Variants in MYO5B observed in about 807,000 individuals in gnomAD.
MYO5B encodes the protein unconventional myosin-Vb.
In MYO5B, 143 loss-of-function variants were observed where a neutral mutation model predicts 229.3. The ratio of observed to expected loss-of-function variants is 0.62; its 90% CI spans 0.54 to 0.72. The LOEUF (loss-of-function observed/expected upper bound fraction) is 0.72, where lower values mean the gene tolerates loss of function less well. Among genes scored for constraint, MYO5B ranks in the 30% least tolerant of loss-of-function variants. The pLI, the probability that MYO5B is intolerant of heterozygous loss-of-function variation, is 0.00. For synonymous variants in MYO5B, 918 were observed against 885.2 expected, an observed-to-expected ratio of 1.04 and a Z score of -0.66; for missense variants, 2,321 against 2,331.0, an observed-to-expected ratio of 1.00 and a Z score of 0.09.
At chr18:50,041,925 A>G (rs949838521) in intron 2 of MYO5B, among the ~76,000 whole-genome samples, 1 of 152,236 alleles carries the variant, frequency 6.6e-6, no homozygotes, top group Admixed American at 6.5e-5. Context: ...TTAAAAAGAA[A>G]ACCAACACCC....
chr18:50,141,055 A>T (rs1181964887), intron 1 of MYO5B, among the ~76,000 whole-genome samples: 1 of 152,238 alleles, frequency 6.6e-6, no homozygotes, highest in South Asian at 2.1e-4. Flanking sequence ...TTACTGCCAC[A>T]TGGCTGACCT....
intron 4 of MYO5B, among the ~76,000 whole-genome samples, chr18:50,020,693 A>G (rs1261362031): frequency 6.6e-6 from 1 of 152,224 alleles, no homozygotes; most frequent in Non-Finnish European, 1.5e-5. Context: ...GGTGGAGGAG[A>G]CGGCCCTGAA....
At chr18:50,080,853 C>A (rs1344309527) in intron 1 of MYO5B, among the ~76,000 whole-genome samples, 1 of 152,150 alleles carries the variant, frequency 6.6e-6, no homozygotes, top group African/African-American at 2.4e-5. Context: ...GTTCATGCAG[C>A]AGGGAAGAAG....
chr18:49,942,567 C>T (rs1291694898), intron 14 of MYO5B, among the ~76,000 whole-genome samples: 1 of 152,026 alleles, frequency 6.6e-6, no homozygotes, highest in Non-Finnish European at 1.5e-5. Context: ...TATGAACAGA[C>T]ACTTCTCAAA....
chr18:49,969,534 T>C (rs2025664823), intron 10 of MYO5B, among the ~76,000 whole-genome samples: 1 of 152,214 alleles, frequency 6.6e-6, no homozygotes. Flanking sequence ...CACTGTGGCG[T>C]GTACTTTCAT....
At chr18:50,075,503 C>A (rs556701955) in intron 1 of MYO5B, among the ~76,000 whole-genome samples, 3 of 152,116 alleles carry the variant, frequency 2.0e-5, no homozygotes, top group African/African-American at 4.8e-5. Context: ...AACATGAATA[C>A]CCTCATTTCT....
intron 14 of MYO5B, among the ~76,000 whole-genome samples, chr18:49,942,553 A>AAT (rs1598900159): frequency 6.6e-6 from 1 of 152,180 alleles, no homozygotes; most frequent in Admixed American, 6.5e-5. Context: ...AAGTGGGCGC[A>AAT]GGATATGAAC....
chr18:49,965,945 T>C (rs907424254), intron 10 of MYO5B, among the ~76,000 whole-genome samples: 2 of 152,202 alleles, frequency 1.3e-5, no homozygotes, highest in Non-Finnish European at 2.9e-5. Context: ...ACCCTTTCCA[T>C]TCTTCAGTAC....
rs557316656 is a variant in MYO5B at position 49,992,406 on chromosome 18, C to T, written c.638G>A (p.Arg213His). ...GCCAAAACGGCTGCTGTTGTCATTG[C>T]GGGTGGTCTTGGCATTTCCAATGGC... is the stretch of plus-strand genomic sequence containing the variant. ...MEAIGNAKTT[R>H]NDNSSRFGKY... The change falls in exon 6 of 40, where the codon CGC (arginine) becomes CAC (histidine). Residue 213 changes from arginine (R) to histidine (H), a missense_variant. By Grantham distance (29) the Arg-to-His change is conservative (BLOSUM62 0). This residue lies in a region of MYO5B where 2,113 missense variants were observed against 2,044.7 expected (regional missense o/e 1.03). Transcript: ENST00000285039. The T allele has an allele frequency of 7.1e-5, 114 of 1,614,036 alleles. No individual in the cohort carries two copies. In the South Asian group the frequency reaches 9.9e-4, roughly 14 times the overall value.
intron 1 of MYO5B, among the ~76,000 whole-genome samples, chr18:50,118,791 A>T (rs982970263): frequency 1.3e-5 from 2 of 151,980 alleles, no homozygotes; most frequent in African/African-American, 4.8e-5. Flanking sequence ...TGCCTGGCTA[A>T]TTTTTTGTAT....
intron 21 of MYO5B, among the ~76,000 whole-genome samples, chr18:49,901,834 C>T (rs2024845047): frequency 6.6e-6 from 1 of 152,180 alleles, no homozygotes; most frequent in African/African-American, 2.4e-5. Flanking sequence ...CTTTAGGATG[C>T]CATGTGCCCT....
At chr18:49,967,209 A>G (rs2025635932) in intron 10 of MYO5B, among the ~76,000 whole-genome samples, 1 of 152,232 alleles carries the variant, frequency 6.6e-6, no homozygotes, top group Non-Finnish European at 1.5e-5. Context: ...ATAGTCGAAA[A>G]GTATACAATT....
At chr18:50,155,815 C>G (rs1411005816) in intron 1 of MYO5B, among the ~76,000 whole-genome samples, 1 of 152,160 alleles carries the variant, frequency 6.6e-6, no homozygotes, top group African/African-American at 2.4e-5. Flanking sequence ...CACTACAAAC[C>G]AAGATCCAAA....
chr18:49,917,075 C>T (rs1453355552), intron 17 of MYO5B, among the ~76,000 whole-genome samples: 1 of 152,190 alleles, frequency 6.6e-6, no homozygotes, highest in Non-Finnish European at 1.5e-5. Context: ...ATGACGGAAT[C>T]TCCCCCTCTC....
intron 27 of MYO5B, among the ~76,000 whole-genome samples, chr18:49,869,966 T>C (rs1435510076): frequency 6.6e-6 from 1 of 152,156 alleles, no homozygotes; most frequent in Non-Finnish European, 1.5e-5. Context: ...CTACCTATAA[T>C]AGTTCACATG....
intron 5 of MYO5B, among the ~76,000 whole-genome samples, chr18:49,995,300 G>C (rs924413402): frequency 1.7e-4 from 26 of 149,504 alleles, no homozygotes; most frequent in African/African-American, 6.2e-4. Flanking sequence ...AGTCTCCCAG[G>C]CTAGAGTGCA....
intron 2 of MYO5B, among the ~76,000 whole-genome samples, chr18:50,043,369 T>TATTAAATATTAAATATTTA (rs1331181861): frequency 2.1e-3 from 233 of 111,358 alleles, no homozygotes; most frequent in Non-Finnish European, 3.6e-3. Flanking sequence ...ATATATTATA[T>TATTAAATATTAAATATTTA]AATATATAAT....
At chr18:50,012,324 T>C (rs1226154148) in intron 4 of MYO5B, among the ~76,000 whole-genome samples, 1 of 152,208 alleles carries the variant, frequency 6.6e-6, no homozygotes, top group African/African-American at 2.4e-5. Context: ...ATTAGCCTAA[T>C]ACAATGTACC....
chr18:50,026,615 A>G (rs1228438351), intron 4 of MYO5B, among the ~76,000 whole-genome samples: 1 of 152,224 alleles, frequency 6.6e-6, no homozygotes, highest in African/African-American at 2.4e-5. Context: ...TTCTGAGGAC[A>G]ACCTATAAAT....
Sources: allele counts gnomAD v4.1 joint callset (sites outside exome capture counted in the v4.1 genomes callset), GRCh38; gene constraint gnomAD v4.1.1; regional missense constraint gnomAD v4.1.1; transcripts MANE v1.5; gene names NCBI Gene and HGNC (gene_info 2026-07-23, HGNC 2026-07-21).